Variants in TENM3 observed in about 807,000 individuals in gnomAD.
The protein encoded by TENM3 is teneurin-3.
TENM3 carries 63 observed loss-of-function variants against 255.1 expected under a neutral mutation model. The ratio of observed to expected loss-of-function variants is 0.25; its 90% CI spans 0.20 to 0.30. The LOEUF (loss-of-function observed/expected upper bound fraction) is 0.30. Among genes scored for constraint, TENM3 ranks in the 10% least tolerant of loss-of-function variants. The probability of loss-of-function intolerance (pLI) is 1.00; values close to 1 mark genes in which losing one functional copy is unlikely to be tolerated. For missense variants in TENM3, 2,929 were observed against 3,461.1 expected, an observed-to-expected ratio of 0.85 and a Z score of 3.86; for synonymous variants, 1,306 against 1,322.3, an observed-to-expected ratio of 0.99 and a Z score of 0.27.
the TENM3 span, among the ~76,000 whole-genome samples, chr4:181,546,430 C>G: frequency 5.3e-5 from 8 of 152,116 alleles, no homozygotes; most frequent in Non-Finnish European, 1.2e-4. Flanking sequence ...GAAATGGCAC[C>G]TGAGGCTGAG....
intron 1 of TENM3, among the ~76,000 whole-genome samples, chr4:182,288,196 A>G (rs771448955): frequency 2.0e-5 from 3 of 152,228 alleles, no homozygotes; most frequent in Non-Finnish European, 1.5e-5. Flanking sequence ...TCGGCCTCCC[A>G]AAGTACTGGG....
chr4:182,277,610 G>A (rs1018071050), intron 1 of TENM3, among the ~76,000 whole-genome samples: 2 of 152,152 alleles, frequency 1.3e-5, no homozygotes, highest in African/African-American at 2.4e-5. Flanking sequence ...GTGTTGTTAG[G>A]CTAGACATCT....
the TENM3 span, among the ~76,000 whole-genome samples, chr4:181,620,683 A>C: frequency 6.6e-6 from 1 of 151,740 alleles, no homozygotes; most frequent in Non-Finnish European, 1.5e-5. Flanking sequence ...AAAAAGAAAA[A>C]GAGGAGGAAA....
intron 1 of TENM3, among the ~76,000 whole-genome samples, chr4:182,209,938 C>T (rs1011430548): frequency 6.6e-6 from 1 of 152,014 alleles, no homozygotes; most frequent in African/African-American, 2.4e-5. Context: ...CAGTCCACTC[C>T]TCTACACCCA....
chr4:181,609,852 T>C, the TENM3 span, among the ~76,000 whole-genome samples: 2 of 152,218 alleles, frequency 1.3e-5, no homozygotes, highest in African/African-American at 2.4e-5. Flanking sequence ...GCTCTATATT[T>C]TAGAAATTCC....
chr4:182,719,601 G>T (rs2152690122), intron 13 of TENM3, among the ~76,000 whole-genome samples: 2 of 151,932 alleles, frequency 1.3e-5, no homozygotes, highest in East Asian at 1.9e-4. Context: ...TTTTTGGGGG[G>T]TATATCAGGA....
intron 14 of TENM3, among the ~76,000 whole-genome samples, chr4:182,729,512 T>TC (rs570697721): frequency 2.4e-4 from 36 of 147,656 alleles, no homozygotes; most frequent in Middle Eastern, 7.1e-3. Context: ...GAAGTGCACT[T>TC]TTTTTTTTTT....
chr4:182,307,078 A>T (rs1762178539), intron 1 of TENM3, among the ~76,000 whole-genome samples: 1 of 152,222 alleles, frequency 6.6e-6, no homozygotes. Context: ...ATAATATGGA[A>T]ATCTTGATAT....
chr4:182,746,273 A>G (rs1304819855), intron 19 of TENM3, among the ~76,000 whole-genome samples: 2 of 152,302 alleles, frequency 1.3e-5, no homozygotes, highest in East Asian at 3.9e-4. Flanking sequence ...GATTACTGGG[A>G]GATGGCACTA....
chr4:182,091,908 G>A, the TENM3 span, among the ~76,000 whole-genome samples: 4 of 152,182 alleles, frequency 2.6e-5, no homozygotes, highest in Admixed American at 6.5e-5. Flanking sequence ...ATGTGTGCCT[G>A]AAATAACGGG....
At chr4:182,692,920 A>AG (rs943414070) in intron 12 of TENM3, among the ~76,000 whole-genome samples, 2 of 152,050 alleles carry the variant, frequency 1.3e-5, no homozygotes, top group African/African-American at 4.8e-5. Flanking sequence ...CCCTATTTGA[A>AG]GGACCCCTCA....
intron 1 of TENM3, among the ~76,000 whole-genome samples, chr4:182,292,917 GAC>G (rs926744441): frequency 2.0e-5 from 3 of 152,174 alleles, no homozygotes; most frequent in African/African-American, 7.2e-5. Context: ...GGGAGAGGTA[GAC>G]ACAGTCCCAA....
At chr4:181,567,873 G>A in the TENM3 span, among the ~76,000 whole-genome samples, 1 of 152,062 alleles carries the variant, frequency 6.6e-6, no homozygotes, top group Non-Finnish European at 1.5e-5. Context: ...ATTAGTCCAG[G>A]GTTATAAAAC....
chr4:181,984,936 C>A, the TENM3 span, among the ~76,000 whole-genome samples: 1 of 151,558 alleles, frequency 6.6e-6, no homozygotes, highest in African/African-American at 2.4e-5. Flanking sequence ...AACCAAAGAA[C>A]AGAGAAATCA....
the TENM3 span, among the ~76,000 whole-genome samples, chr4:182,066,155 C>G: frequency 6.6e-6 from 1 of 152,178 alleles, no homozygotes; most frequent in Non-Finnish European, 1.5e-5. Context: ...CACACCAACA[C>G]TTTTTCCCCA....
chr4:181,776,010 C>T, the TENM3 span, among the ~76,000 whole-genome samples: 2,110 of 152,172 alleles, frequency 0.014, 56 homozygotes, highest in African/African-American at 0.049. Flanking sequence ...TTGAACATTA[C>T]ATCTTAGTCC....
At chr4:182,566,806 T>G (rs1201973703) in intron 3 of TENM3, among the ~76,000 whole-genome samples, 2 of 152,234 alleles carry the variant, frequency 1.3e-5, no homozygotes, top group Non-Finnish European at 2.9e-5. Context: ...GATGTCAGAA[T>G]TTCTTTGAAA....
chr4:181,932,416 C>T, the TENM3 span, among the ~76,000 whole-genome samples: 2 of 152,170 alleles, frequency 1.3e-5, no homozygotes, highest in African/African-American at 4.8e-5. Context: ...TGAAAAAAAG[C>T]TCATCATCAC....
intron 11 of TENM3, among the ~76,000 whole-genome samples, chr4:182,686,512 A>G (rs1330547790): frequency 2.0e-5 from 3 of 152,128 alleles, no homozygotes; most frequent in African/African-American, 7.2e-5. Context: ...TGTGGAAATG[A>G]CCTTCAGATA....
Sources: gnomAD v4.1 joint callset for allele counts (sites outside exome capture counted in the v4.1 genomes callset) on GRCh38, gnomAD v4.1.1 for gene constraint, MANE v1.5 for transcripts, NCBI Gene and HGNC (gene_info 2026-07-23, HGNC 2026-07-21) for gene names.